Variants in CSMD1 observed in about 807,000 individuals in gnomAD.
CSMD1 encodes the protein CUB and sushi domain-containing protein 1.
CSMD1 carries 213 observed loss-of-function variants against 417.5 expected under a neutral mutation model. The ratio of observed to expected loss-of-function variants is 0.51; its 90% CI spans 0.46 to 0.57. The LOEUF (loss-of-function observed/expected upper bound fraction) is 0.57, where lower values mean the gene tolerates loss of function less well. CSMD1 is among the 20% of genes least tolerant of loss of function. CSMD1 has a pLI of 0.00. For synonymous variants in CSMD1, 2,862 were observed against 1,736.8 expected (o/e 1.65, Z -16.11); for missense variants, 6,923 against 4,529.7 (o/e 1.53, Z -15.17).
intron 3 of CSMD1, among the ~76,000 whole-genome samples, chr8:4,394,680 G>A (rs1804081734): frequency 1.3e-5 from 2 of 152,122 alleles, no homozygotes; most frequent in Admixed American, 1.3e-4. Flanking sequence ...TATTCCCTTG[G>A]GCGTCTTGCT....
intron 40 of CSMD1, among the ~76,000 whole-genome samples, chr8:3,143,427 G>A (rs928778991): frequency 6.6e-6 from 1 of 152,070 alleles, no homozygotes; most frequent in South Asian, 2.1e-4. Flanking sequence ...CTGTTCAAAT[G>A]ACCAGTATCT....
Position 2,969,436 on chromosome 8 carries a change from A to G in CSMD1, c.8924-2690T>C, listed in dbSNP as rs534221362. ...TGATTAAAAGACTAGATGGCTAACA[A>G]AAGCAAATTTGATTTAATGTGAAGG... On this transcript the variant is annotated intron_variant, in intron 57 of 69. Transcript: ENST00000635120. Among the ~76,000 whole-genome samples the G allele has an allele frequency of 5.9e-5, 9 of 152,324 alleles. No homozygotes were observed. In the East Asian group the frequency reaches 1.5e-3, roughly 26 times the overall value.
intron 3 of CSMD1, among the ~76,000 whole-genome samples, chr8:4,402,745 T>C (rs1461729458): frequency 6.6e-6 from 1 of 151,854 alleles, no homozygotes; most frequent in African/African-American, 2.4e-5. Flanking sequence ...CAACTACCTC[T>C]TTGCATCTGT....
rs528540728 is a variant in CSMD1, at chr8:4,954,796, GACTTTAAGAA to G, written c.85+39526_85+39535del. Among the ~76,000 whole-genome samples the G allele has an allele frequency of 5.3e-5, 8 of 152,170 alleles. 1 individual carries two copies. The East Asian group carries it at 1.4e-3, about 26-fold the overall frequency. On this transcript the variant is annotated intron_variant, in intron 1 of 69. Transcript: ENST00000635120. Reference sequence around the variant, plus strand: ...CACAGAATTACGGTTTTCCATACTTGACTTTAAGAAAAAAATTCTCATTTTCTCTTACTTT... The same window carrying G: ...CACAGAATTACGGTTTTCCATACTTGAAAAATTCTCATTTTCTCTTACTTT...
intron 3 of CSMD1, among the ~76,000 whole-genome samples, chr8:4,199,025 C>T (rs182355819): frequency 2.0e-5 from 3 of 152,068 alleles, no homozygotes; most frequent in Non-Finnish European, 2.9e-5. Context: ...TTTCAATCCC[C>T]TATGTACAGT....
intron 26 of CSMD1, among the ~76,000 whole-genome samples, chr8:3,254,281 G>A (rs1299287446): frequency 6.6e-6 from 1 of 152,150 alleles, no homozygotes; most frequent in African/African-American, 2.4e-5. Flanking sequence ...TGGGTAACCC[G>A]ACCTTTCTCT....
intron 3 of CSMD1, among the ~76,000 whole-genome samples, chr8:4,229,840 A>C (rs1169946272): frequency 1.3e-5 from 2 of 151,938 alleles, no homozygotes; most frequent in East Asian, 3.8e-4. Flanking sequence ...GAGGGCCGGG[A>C]TTTTATCGCT....
chr8:4,580,750 C>T (rs1799376226), intron 2 of CSMD1, among the ~76,000 whole-genome samples: 1 of 152,152 alleles, frequency 6.6e-6, no homozygotes, highest in Admixed American at 6.5e-5. Flanking sequence ...AATCTCTCTC[C>T]CTTTGAGGTT....
chr8:4,601,148 T>A (rs1800557384), intron 2 of CSMD1, among the ~76,000 whole-genome samples: 1 of 151,978 alleles, frequency 6.6e-6, no homozygotes, highest in Non-Finnish European at 1.5e-5. Context: ...AGTGATAGGG[T>A]TTCTCCATGT....
At chr8:4,245,736 G>T (rs1563329679) in intron 3 of CSMD1, among the ~76,000 whole-genome samples, 2 of 151,862 alleles carry the variant, frequency 1.3e-5, no homozygotes, top group South Asian at 4.2e-4. Context: ...TACACTTCTT[G>T]GTGACTAAGT....
At chr8:3,720,153 T>C (rs946640363) in intron 6 of CSMD1, among the ~76,000 whole-genome samples, 4 of 152,192 alleles carry the variant, frequency 2.6e-5, no homozygotes, top group African/African-American at 9.7e-5. Context: ...CCCGTTAAAC[T>C]TCACCGCACA....
intron 2 of CSMD1, among the ~76,000 whole-genome samples, chr8:4,443,651 G>A (rs1220579568): frequency 6.6e-6 from 1 of 152,278 alleles, no homozygotes; most frequent in South Asian, 2.1e-4. Context: ...CCGTTGACGT[G>A]CAGTTAAAGA....
intron 3 of CSMD1, among the ~76,000 whole-genome samples, chr8:4,313,757 T>G (rs1798762910): frequency 6.6e-6 from 1 of 152,078 alleles, no homozygotes; most frequent in Non-Finnish European, 1.5e-5. Context: ...GGCTCACACC[T>G]GTAATTCCAG....
intron 4 of CSMD1, among the ~76,000 whole-genome samples, chr8:4,014,201 C>G (rs1205698586): frequency 6.6e-6 from 1 of 152,112 alleles, no homozygotes; most frequent in Non-Finnish European, 1.5e-5. Context: ...AAAGCATAAA[C>G]AACATTCCTA....
chr8:3,564,890 T>A (rs539169850), intron 10 of CSMD1, among the ~76,000 whole-genome samples: 1 of 151,558 alleles, frequency 6.6e-6, no homozygotes, highest in African/African-American at 2.4e-5. Context: ...GACAATGAAA[T>A]AGCTGGCACA....
At chr8:3,537,967 G>A (rs534093597) in intron 10 of CSMD1, among the ~76,000 whole-genome samples, 124 of 152,234 alleles carry the variant, frequency 8.1e-4, no homozygotes, top group African/African-American at 2.9e-3. Context: ...TCAGGGTATC[G>A]TTTATTCTTC....
chr8:3,059,738 G>C (rs1013360412), intron 49 of CSMD1, among the ~76,000 whole-genome samples: 1 of 152,152 alleles, frequency 6.6e-6, no homozygotes, highest in Non-Finnish European at 1.5e-5. Flanking sequence ...GACTGGGGGA[G>C]GGGAAAGATG....
At chr8:4,004,635 G>T (rs914566164) in intron 4 of CSMD1, among the ~76,000 whole-genome samples, 1 of 151,968 alleles carries the variant, frequency 6.6e-6, no homozygotes, top group East Asian at 1.9e-4. Context: ...ATATATTTTA[G>T]ATTTCAATAA....
intron 3 of CSMD1, among the ~76,000 whole-genome samples, chr8:4,416,359 C>T (rs777068026): frequency 9.9e-5 from 15 of 152,126 alleles, no homozygotes; most frequent in Middle Eastern, 3.4e-3. Context: ...GCATATAATT[C>T]ATAAAAGCTA....
Sources: gnomAD v4.1 joint callset for allele counts (sites outside exome capture counted in the v4.1 genomes callset) on GRCh38, gnomAD v4.1.1 for gene constraint, MANE v1.5 for transcripts, NCBI Gene and HGNC (gene_info 2026-07-23, HGNC 2026-07-21) for gene names.